Variants in FARS2 observed in about 807,000 individuals in gnomAD.
FARS2 encodes phenylalanyl-tRNA synthetase 2, mitochondrial.
In FARS2, 40 loss-of-function variants were observed where a neutral mutation model predicts 46.4. The ratio of observed to expected loss-of-function variants is 0.86; its 90% CI spans 0.67 to 1.12. The LOEUF is 1.12. FARS2 is among the 50% of genes most tolerant of loss of function. The pLI, the probability that FARS2 is intolerant of heterozygous loss-of-function variation, is 0.00. For missense variants in FARS2, 513 were observed against 567.9 expected (o/e 0.90, Z 0.98); for synonymous variants, 234 against 214.9 (o/e 1.09, Z -0.78).
chr6:5,729,921 T>C (rs1344008658), intron 6 of FARS2, among the ~76,000 whole-genome samples: 1 of 152,198 alleles, frequency 6.6e-6, no homozygotes, highest in African/African-American at 2.4e-5. Flanking sequence ...GTAGGCTGTT[T>C]ACCAGCATCC....
rs367573921 is a variant in FARS2 at position 5,617,103 on chromosome 6, A to G, written c.1217+3783A>G. Among the ~76,000 whole-genome samples the G allele has an allele frequency of 1.2e-3, 184 of 151,594 alleles. 1 individual carries two copies. Among genetic ancestry groups the G allele is most frequent in the South Asian group, 6.3e-3 (30 of 4,742 alleles). On this transcript the variant is annotated intron_variant, in intron 6 of 6. Transcript: ENST00000274680. ...CTGTGGACCCAGGGACAGATCAGGC[A>G]GGCAGACACCCCATTAAAAAAAATC...
chr6:5,603,704 T>A (rs938673099), intron 5 of FARS2, among the ~76,000 whole-genome samples: 1 of 152,190 alleles, frequency 6.6e-6, no homozygotes, highest in Non-Finnish European at 1.5e-5. Flanking sequence ...CCTCCCCAGT[T>A]TGATTAGGAT....
upstream of FARS2, chr6:5,260,528 C>T: frequency 5.8e-6 from 8 of 1,377,456 alleles, no homozygotes; most frequent in Non-Finnish European, 7.8e-6. Context: ...CGGTCCTTGC[C>T]TCGCAGCCGC....
At chr6:5,485,914 G>T (rs531638423) in intron 4 of FARS2, among the ~76,000 whole-genome samples, 1 of 152,188 alleles carries the variant, frequency 6.6e-6, no homozygotes, top group East Asian at 1.9e-4. Flanking sequence ...GAACTGGGCT[G>T]CACAGACACA....
intron 1 of FARS2, among the ~76,000 whole-genome samples, chr6:5,267,350 T>G (rs1765618981): frequency 6.6e-6 from 1 of 152,190 alleles, no homozygotes; most frequent in Admixed American, 6.5e-5. Flanking sequence ...TCATATTGTC[T>G]GGATATTTTA....
chr6:5,499,693 A>G (rs762957912), intron 4 of FARS2, among the ~76,000 whole-genome samples: 79 of 152,138 alleles, frequency 5.2e-4, no homozygotes, highest in Non-Finnish European at 6.3e-4. Flanking sequence ...TTGTCTCCCA[A>G]TTTGCTTCCT....
At chr6:5,617,032 A>T (rs1775512425) in intron 6 of FARS2, among the ~76,000 whole-genome samples, 1 of 152,166 alleles carries the variant, frequency 6.6e-6, no homozygotes, top group South Asian at 2.1e-4. Context: ...CTGAATGGGC[A>T]TGCTAACTGG....
chr6:5,262,741 CTT>C (rs1212542338), intron 1 of FARS2, among the ~76,000 whole-genome samples: 1 of 152,180 alleles, frequency 6.6e-6, no homozygotes, highest in Non-Finnish European at 1.5e-5. Context: ...ATTAAGATAT[CTT>C]TAAGTCTCCT....
intron 4 of FARS2, among the ~76,000 whole-genome samples, chr6:5,507,746 G>A (rs1768184102): frequency 6.6e-6 from 1 of 152,236 alleles, no homozygotes; most frequent in Admixed American, 6.5e-5. Context: ...GGGTCAGACT[G>A]CGGACACGCC....
chr6:5,690,396 G>T (rs942416438), intron 6 of FARS2, among the ~76,000 whole-genome samples: 1 of 151,344 alleles, frequency 6.6e-6, no homozygotes, highest in African/African-American at 2.4e-5. Flanking sequence ...AGGCCTGGTG[G>T]TGACAAAATC....
intron 6 of FARS2, among the ~76,000 whole-genome samples, chr6:5,740,145 T>C (rs556913753): frequency 6.6e-6 from 1 of 152,154 alleles, no homozygotes; most frequent in Non-Finnish European, 1.5e-5. Context: ...TGCTGTGTGC[T>C]GGTAGGGAAT....
chr6:5,578,189 T>C (rs999264916), intron 5 of FARS2, among the ~76,000 whole-genome samples: 1 of 152,188 alleles, frequency 6.6e-6, no homozygotes, highest in Non-Finnish European at 1.5e-5. Flanking sequence ...GGTTAAGCCC[T>C]CTTGTGTCTG....
intron 1 of FARS2, among the ~76,000 whole-genome samples, chr6:5,268,027 T>C (rs1441808795): frequency 6.6e-6 from 1 of 152,202 alleles, no homozygotes; most frequent in Non-Finnish European, 1.5e-5. Flanking sequence ...GTTCATATCC[T>C]TCGCCCACTT....
At chr6:5,542,311 C>T (rs527678207) in intron 4 of FARS2, among the ~76,000 whole-genome samples, 1 of 152,290 alleles carries the variant, frequency 6.6e-6, no homozygotes, top group East Asian at 1.9e-4. Context: ...TATGGATATA[C>T]CACAATTTCT....
intron 4 of FARS2, among the ~76,000 whole-genome samples, chr6:5,502,819 A>G (rs1767878099): frequency 6.6e-6 from 1 of 152,232 alleles, no homozygotes. Context: ...GAGCTTTACA[A>G]ACAGTTAAGT....
rs541739504 is a variant in FARS2, at chr6:5,356,263, A to G, written c.-21-12287A>G. Reference sequence around the variant, plus strand: ...CAGGAGTTCGAGACCAGCCTGGCCAACATGGTGAGACCTCATCTCTACTAA... The same window carrying G: ...CAGGAGTTCGAGACCAGCCTGGCCAGCATGGTGAGACCTCATCTCTACTAA... On this transcript the variant is annotated intron_variant, in intron 1 of 6. Transcript: ENST00000274680. Among the ~76,000 whole-genome samples, 74 of 152,332 alleles carry G rather than the reference A, an allele frequency of 4.9e-4. 1 individual carries two copies. The highest frequency in any genetic ancestry group is 1.7e-3 in the African/African-American group (72 of 41,592).
intron 1 of FARS2, among the ~76,000 whole-genome samples, chr6:5,263,125 ATTATT>A (rs1364032714): frequency 2.0e-5 from 3 of 152,220 alleles, no homozygotes; most frequent in Non-Finnish European, 2.9e-5. Context: ...CAAAGATTAC[ATTATT>A]TTATTATATT....
chr6:5,432,865 C>A (rs1763308708), intron 4 of FARS2, among the ~76,000 whole-genome samples: 1 of 152,130 alleles, frequency 6.6e-6, no homozygotes, highest in Non-Finnish European at 1.5e-5. Context: ...AGACAGGGTG[C>A]ATGAAGTGCA....
At chr6:5,409,965 T>G (rs376055334) in intron 3 of FARS2, among the ~76,000 whole-genome samples, 16 of 152,042 alleles carry the variant, frequency 1.1e-4, no homozygotes, top group African/African-American at 3.6e-4. Context: ...AGATGTGAAG[T>G]GAAGTGGGAA....
Sources: gnomAD v4.1 joint callset for allele counts (sites outside exome capture counted in the v4.1 genomes callset) on GRCh38, gnomAD v4.1.1 for gene constraint, MANE v1.5 for transcripts, NCBI Gene and HGNC (gene_info 2026-07-23, HGNC 2026-07-21) for gene names.